Variants in LRP1B observed in about 807,000 individuals in gnomAD.
LRP1B encodes the protein LDL receptor related protein 1B.
LRP1B carries 217 observed loss-of-function variants against 556.6 expected under a neutral mutation model. The observed-to-expected ratio is 0.39, with a 90% CI of 0.35 to 0.44. LRP1B has a LOEUF of 0.44. Among genes scored for constraint, LRP1B ranks in the 20% least tolerant of loss-of-function variants. The pLI is 1.00. For missense variants in LRP1B, 5,053 were observed against 5,620.8 expected, an observed-to-expected ratio of 0.90 and a Z score of 3.23; for synonymous variants, 2,047 against 1,865.8, an observed-to-expected ratio of 1.10 and a Z score of -2.50.
At chr2:141,830,099 T>A (rs1250038909) in intron 1 of LRP1B, among the ~76,000 whole-genome samples, 1 of 151,968 alleles carries the variant, frequency 6.6e-6, no homozygotes. Flanking sequence ...CTATTTTACT[T>A]ATATCTCATT....
At chr2:140,296,191 C>T (rs191835389) in intron 84 of LRP1B, among the ~76,000 whole-genome samples, 265 of 152,160 alleles carry the variant, frequency 1.7e-3, no homozygotes, top group African/African-American at 6.0e-3. Context: ...CCTGACCTCC[C>T]GTAATGAGGG....
intron 1 of LRP1B, among the ~76,000 whole-genome samples, chr2:141,923,403 C>CTATATATA (rs61682272): frequency 0.27 from 27,004 of 101,866 alleles, 5,418 homozygotes; most frequent in South Asian, 0.38. Flanking sequence ...ATCTCTGTCA[C>CTATATATA]TATATATATA....
chr2:141,758,178 T>TC (rs1490526976), intron 2 of LRP1B, among the ~76,000 whole-genome samples: 1 of 152,084 alleles, frequency 6.6e-6, no homozygotes, highest in Admixed American at 6.6e-5. Context: ...TCTTTTCTCT[T>TC]CCCCCCACTC....
chr2:141,975,807 C>T (rs918486027), intron 1 of LRP1B, among the ~76,000 whole-genome samples: 5 of 152,140 alleles, frequency 3.3e-5, no homozygotes, highest in African/African-American at 1.2e-4. Context: ...AAGCATTCAA[C>T]TGCTAAGTCC....
chr2:141,583,906 A>ATTTTTTTTTTTTTTT (rs113916906), intron 2 of LRP1B, among the ~76,000 whole-genome samples: 1 of 145,482 alleles, frequency 6.9e-6, no homozygotes, highest in African/African-American at 2.5e-5. Context: ...TGCCCGGCTA[A>ATTTTTTTTTTTTTTT]TTTTTTTTTT....
chr2:141,561,822 A>T (rs976261170), intron 2 of LRP1B, among the ~76,000 whole-genome samples: 1 of 150,782 alleles, frequency 6.6e-6, no homozygotes, highest in Non-Finnish European at 1.5e-5. Context: ...TAGGCAAAAA[A>T]ATAAGTGAAT....
At chr2:141,481,739 G>T (rs1682925698) in intron 2 of LRP1B, among the ~76,000 whole-genome samples, 1 of 152,086 alleles carries the variant, frequency 6.6e-6, no homozygotes, top group Non-Finnish European at 1.5e-5. Context: ...CAGATTCCTG[G>T]GTCCAAATGC....
At chr2:140,374,399 C>T (rs77606084) in intron 68 of LRP1B, among the ~76,000 whole-genome samples, 3,083 of 152,234 alleles carry the variant, frequency 0.02, 37 homozygotes, top group African/African-American at 0.028. Context: ...AAAAAGAGTT[C>T]ACTTTCTAAA....
intron 77 of LRP1B, among the ~76,000 whole-genome samples, chr2:140,346,278 A>G (rs1681680553): frequency 6.6e-6 from 1 of 151,782 alleles, no homozygotes; most frequent in African/African-American, 2.4e-5. Context: ...AGACTCATAT[A>G]ATAATTATCA....
At chr2:140,493,288 T>C (rs1688781387) in intron 56 of LRP1B, among the ~76,000 whole-genome samples, 1 of 152,202 alleles carries the variant, frequency 6.6e-6, no homozygotes, top group South Asian at 2.1e-4. Flanking sequence ...TTCTACCTTA[T>C]CAGCTTGTCC....
chr2:140,745,369 A>C (rs1176234194), intron 35 of LRP1B, among the ~76,000 whole-genome samples: 1 of 152,126 alleles, frequency 6.6e-6, no homozygotes, highest in Non-Finnish European at 1.5e-5. Flanking sequence ...ATAAAACCAA[A>C]ATTTTACTTT....
intron 5 of LRP1B, among the ~76,000 whole-genome samples, chr2:141,246,784 G>A (rs1684084064): frequency 6.6e-6 from 1 of 152,140 alleles, no homozygotes; most frequent in Non-Finnish European, 1.5e-5. Context: ...GGCCAACATG[G>A]TGAGACCCTG....
chr2:141,380,453 A>C (rs1689595965), intron 3 of LRP1B, among the ~76,000 whole-genome samples: 1 of 152,158 alleles, frequency 6.6e-6, no homozygotes, highest in African/African-American at 2.4e-5. Flanking sequence ...TCCAGTGATA[A>C]AATCAAGCCT....
intron 1 of LRP1B, among the ~76,000 whole-genome samples, chr2:142,053,681 T>C (rs1210701197): frequency 6.6e-6 from 1 of 152,168 alleles, no homozygotes; most frequent in Non-Finnish European, 1.5e-5. Flanking sequence ...TTCATAATTA[T>C]GATAAGTAGT....
chr2:141,685,849 C>T (rs965454285), intron 2 of LRP1B, among the ~76,000 whole-genome samples: 1 of 151,938 alleles, frequency 6.6e-6, no homozygotes, highest in Non-Finnish European at 1.5e-5. Flanking sequence ...TATCTTCTTT[C>T]TTGGTCCATA....
chr2:140,568,831 A>G (rs1213195184), intron 43 of LRP1B, among the ~76,000 whole-genome samples: 1 of 152,086 alleles, frequency 6.6e-6, no homozygotes, highest in Non-Finnish European at 1.5e-5. Flanking sequence ...AGGTTTTTAC[A>G]TTATTTCAAA....
chr2:141,270,908 A>G (rs1685065478), intron 3 of LRP1B, among the ~76,000 whole-genome samples: 1 of 152,062 alleles, frequency 6.6e-6, no homozygotes, highest in African/African-American at 2.4e-5. Flanking sequence ...CCACTGAACT[A>G]TATAATTTAA....
chr2:140,538,382 C>T (rs1358153893), intron 45 of LRP1B, among the ~76,000 whole-genome samples: 1 of 152,046 alleles, frequency 6.6e-6, no homozygotes, highest in Non-Finnish European at 1.5e-5. Flanking sequence ...GTCTTTCTCT[C>T]CCCACTCTAA....
At chr2:141,163,510 A>G (rs1680120304) in intron 7 of LRP1B, among the ~76,000 whole-genome samples, 1 of 152,032 alleles carries the variant, frequency 6.6e-6, no homozygotes. Context: ...TCTGGTACTG[A>G]TAGGGTTTGG....
Sources: allele counts gnomAD v4.1 joint callset (sites outside exome capture counted in the v4.1 genomes callset), GRCh38; gene constraint gnomAD v4.1.1; transcripts MANE v1.5; gene names NCBI Gene and HGNC (gene_info 2026-07-23, HGNC 2026-07-21).